Variants in CASP10 observed in about 807,000 individuals in gnomAD.
The protein encoded by CASP10 is caspase 10, also known as caspase-10.
A neutral mutation model predicts 48.5 loss-of-function variants in CASP10; 41 were observed. The ratio of observed to expected loss-of-function variants is 0.85; its 90% CI spans 0.66 to 1.10. The LOEUF (loss-of-function observed/expected upper bound fraction) is 1.10. Ranked by LOEUF, CASP10 falls within the 50% of genes least tolerant of loss-of-function variation. The pLI is 0.00. For missense variants in CASP10, 614 were observed against 614.5 expected, an observed-to-expected ratio of 1.00 and a Z score of 0.01; for synonymous variants, 232 against 238.4, an observed-to-expected ratio of 0.97 and a Z score of 0.25.
At chr2:201,223,233 C>T (rs1203353031), downstream of CASP10, among the ~76,000 whole-genome samples, 1 of 152,186 alleles carries the variant, frequency 6.6e-6, no homozygotes, top group African/African-American at 2.4e-5. Flanking sequence ...TGGAGGTCTT[C>T]AGGTGCCAGT....
Position 201,218,029 on chromosome 2 carries a change from T to C in CASP10, c.*288T>C. Reference sequence around the variant, plus strand: ...CCCAGGCTCAAGCTGTCCTCCCGCCTCAGCTTCCCAAGTAGCTGGGACCAC... The same window carrying C: ...CCCAGGCTCAAGCTGTCCTCCCGCCCCAGCTTCCCAAGTAGCTGGGACCAC... On this transcript the variant is annotated 3_prime_UTR_variant, in exon 10 of 10. Transcript: ENST00000286186. 1.2e-6 allele frequency: 1 copy of C among 811,050 alleles called. No individual in the cohort carries two copies. The highest frequency in any genetic ancestry group is 1.7e-6 in the Non-Finnish European group (1 of 589,958). The allele number at this position is 811,050 out of a possible 1,614,324, so 50.2% of individuals were successfully genotyped here.
Position 201,220,003 on chromosome 2 carries a change from A to G in CASP10, c.*2262A>G, listed in dbSNP as rs766522807. ...AAAAAATGTCAAGGAATGAAGAACA[A>G]CAACTCTCAGTGGTGCCTGCATTTA... is the stretch of plus-strand genomic sequence containing the variant. On this transcript the variant is annotated 3_prime_UTR_variant, in exon 10 of 10. Transcript: ENST00000286186. 4.1e-5 allele frequency: 40 copies of G among 985,338 alleles called. No homozygotes were observed. Among genetic ancestry groups the G allele is most frequent in the Non-Finnish European group, 4.7e-5 (39 of 829,934 alleles). 61.0% of individuals were successfully genotyped at this position (985,338 alleles called of 1,614,324 possible).
Position 201,186,064 on chromosome 2 carries a change from A to G in CASP10, c.287A>G (p.Asn96Ser), listed in dbSNP as rs1194252670. 6 of 1,612,610 alleles carry G rather than the reference A, an allele frequency of 3.7e-6. No homozygotes were observed. The highest frequency in any genetic ancestry group is 1.7e-5 in the Admixed American group (1 of 60,000). Residue 96 changes from asparagine (N) to serine (S), a missense_variant, in exon 2 of 10, where the codon AAC (asparagine) becomes AGC (serine). Physicochemically the swap from Asn to Ser is conservative, Grantham distance 46. Coordinates refer to ENST00000286186, the MANE Select transcript of CASP10 (RefSeq NM_032977.4). ...IRQKKLLQHL[N>S]CTKEEVERLL... The stretch of plus-strand genomic sequence containing the variant: ...CAGAAGAAGCTGCTGCAGCACCTCA[A>G]CTGTACCAAAGAGGAAGTGGAGCGA...
chr2:201,192,457 C>A (rs1944643600), intron 3 of CASP10, among the ~76,000 whole-genome samples: 1 of 151,692 alleles, frequency 6.6e-6, no homozygotes, highest in South Asian at 2.1e-4. Flanking sequence ...TCAGAAAATT[C>A]TTTTTCTTTT....
intron 5 of CASP10, among the ~76,000 whole-genome samples, chr2:201,197,216 A>G (rs975579406): frequency 3.3e-5 from 5 of 151,970 alleles, no homozygotes; most frequent in African/African-American, 1.2e-4. Flanking sequence ...GGCTCAAGCA[A>G]TCCTCCCGCC....
downstream of CASP10, among the ~76,000 whole-genome samples, chr2:201,226,034 T>C (rs537205167): frequency 6.6e-6 from 1 of 152,306 alleles, no homozygotes; most frequent in African/African-American, 2.4e-5. Flanking sequence ...CCACGTTGTA[T>C]AACTGATAAA....
Position 201,221,138 on chromosome 2 carries a change from G to A in CASP10, c.*3397G>A, listed in dbSNP as rs542634156. On this transcript the variant is annotated 3_prime_UTR_variant, in exon 10 of 10. Coordinates refer to ENST00000286186, the MANE Select transcript of CASP10 (RefSeq NM_032977.4). ...TAGCAGGACTTAAGTTCCTTTGTGC[G>A]TAATTCCAGCTGACTTTATTAGCGG... 9.1e-6 allele frequency: 9 copies of A among 985,410 alleles called. No homozygotes were observed. The highest frequency in any genetic ancestry group is 1.7e-5 in the African/African-American group (1 of 57,336). The allele number at this position is 985,410 out of a possible 1,614,324, so 61.0% of individuals were successfully genotyped here.
At chr2:201,200,737 T>C (rs1172186553) in intron 5 of CASP10, 2 of 1,229,850 alleles carry the variant, frequency 1.6e-6, no homozygotes, top group Middle Eastern at 3.2e-4. Context: ...TCCGCCTGCT[T>C]GCTGTGAGTT....
At chr2:201,224,316 CT>C, downstream of CASP10, among the ~76,000 whole-genome samples, 1 of 152,154 alleles carries the variant, frequency 6.6e-6, no homozygotes, top group African/African-American at 2.4e-5. Flanking sequence ...AATGAAATCC[CT>C]TTTAAAAAGC....
Position 201,217,585 on chromosome 2 carries a change from C to T in CASP10, c.1416-3C>T, listed in dbSNP as rs1945611761. Reference sequence around the variant, plus strand: ...AAAAATTTTGTTTTCTTCTTTGTTGCAGACATGAAGACATCTTATCCATCC... The same window carrying T: ...AAAAATTTTGTTTTCTTCTTTGTTGTAGACATGAAGACATCTTATCCATCC... On this transcript the variant is annotated splice_polypyrimidine_tract_variant and splice_region_variant and intron_variant, in intron 9 of 9. Transcript: ENST00000286186. 1 of 1,610,708 alleles carries T rather than the reference C, an allele frequency of 6.2e-7. No homozygotes were observed. Among genetic ancestry groups the T allele is most frequent in the Non-Finnish European group, 8.5e-7 (1 of 1,177,028 alleles).
At chr2:201,188,415 A>T (rs779090004) in intron 3 of CASP10, among the ~76,000 whole-genome samples, 28 of 152,140 alleles carry the variant, frequency 1.8e-4, no homozygotes, top group Non-Finnish European at 3.8e-4. Flanking sequence ...CCTGACTTCA[A>T]GTGATCTGCC....
At chr2:201,201,800 G>A (rs564966368) in intron 5 of CASP10, among the ~76,000 whole-genome samples, 3 of 152,158 alleles carry the variant, frequency 2.0e-5, no homozygotes, top group Admixed American at 6.5e-5. Context: ...AAGCACCTGA[G>A]GATTTTTTTT....
intron 9 of CASP10, among the ~76,000 whole-genome samples, chr2:201,210,045 T>A (rs1945346093): frequency 6.6e-6 from 1 of 152,172 alleles, no homozygotes; most frequent in Non-Finnish European, 1.5e-5. Flanking sequence ...GACAAATAGA[T>A]GTTAGGTAAA....
rs560207313 is a variant in CASP10, at chr2:201,193,364, C to T, written c.577+245C>T. 38 of 384,372 alleles carry T rather than the reference C, an allele frequency of 9.9e-5. 1 individual carries two copies. The highest frequency in any genetic ancestry group is 8.6e-4 in the Middle Eastern group (1 of 1,162). The allele number at this position is 384,372 out of a possible 1,614,324, so 23.8% of individuals were successfully genotyped here. ...CTGGGATTACAGGAGCCTGCCACCA[C>T]GCCTGGCTAATTTTTGTATTTTTAG... On this transcript the variant is annotated intron_variant, in intron 4 of 9. Coordinates refer to ENST00000286186, the MANE Select transcript of CASP10 (RefSeq NM_032977.4).
At chr2:201,195,309 C>T (rs542474145) in intron 4 of CASP10, among the ~76,000 whole-genome samples, 32 of 152,046 alleles carry the variant, frequency 2.1e-4, no homozygotes, top group African/African-American at 7.5e-4. Context: ...CCAGGCTGGT[C>T]TCAAACTCTT....
rs1945658577 is a variant in CASP10 at position 201,219,173 on chromosome 2, G to C, written c.*1432G>C. 1.0e-5 allele frequency: 2 copies of C among 200,480 alleles called. No individual in the cohort carries two copies. Among genetic ancestry groups the C allele is most frequent in the Non-Finnish European group, 8.9e-6 (1 of 112,256 alleles). The allele number at this position is 200,480 out of a possible 1,614,324, so 12.4% of individuals were successfully genotyped here. A position where few individuals can be genotyped will look rare whatever the true frequency, so the allele number is the denominator to read the frequency against. ...TAATCCCAGCTACTCGGGAGGCTGA[G>C]ACAGGAGAATCTCTTGAATCCAGGA... On this transcript the variant is annotated 3_prime_UTR_variant, in exon 10 of 10. Coordinates refer to ENST00000286186, the MANE Select transcript of CASP10 (RefSeq NM_032977.4).
exon 10 of CASP10, chr2:201,229,051 C>T (rs1380520002): frequency 6.2e-7 from 1 of 1,614,138 alleles, no homozygotes. Flanking sequence ...GACACCTCGA[C>T]CCCCCATGCG....
chr2:201,196,018 C>A, intron 5 of CASP10, 70 bp downstream of exon 5: 4 of 1,032,312 alleles, frequency 3.9e-6, no homozygotes, highest in African/African-American at 1.6e-5. Flanking sequence ...TCCCTGCCAC[C>A]CCAAAAAAGA....
At chr2:201,226,670 C>G (rs1945791536) in intron 9 of CASP10, among the ~76,000 whole-genome samples, 1 of 143,704 alleles carries the variant, frequency 7.0e-6, no homozygotes, top group African/African-American at 2.7e-5. Context: ...GTTTTCTGAG[C>G]AGCATTGTTT....
Sources: allele counts gnomAD v4.1 joint callset (sites outside exome capture counted in the v4.1 genomes callset), GRCh38; gene constraint gnomAD v4.1.1; transcripts MANE v1.5; gene names NCBI Gene and HGNC (gene_info 2026-07-23, HGNC 2026-07-21).